The following GLIS3 variants were observed in gnomAD, a reference collection of about 807,000 sequenced individuals.
GLIS3 encodes GLIS family zinc finger 3.
GLIS3 carries 53 observed loss-of-function variants against 78.6 expected under a neutral mutation model. The observed-to-expected ratio is 0.67, with a 90% CI of 0.54 to 0.85. The LOEUF (loss-of-function observed/expected upper bound fraction) is 0.85. Among genes scored for constraint, GLIS3 ranks in the 40% least tolerant of loss-of-function variants. The probability of loss-of-function intolerance (pLI) is 0.00; values close to 1 mark genes in which losing one functional copy is unlikely to be tolerated. For missense variants in GLIS3, 1,703 were observed against 1,231.1 expected (o/e 1.38, Z -5.74); for synonymous variants, 684 against 509.9 (o/e 1.34, Z -4.60).
chr9:3,943,968 G>C (rs548876684), intron 4 of GLIS3, among the ~76,000 whole-genome samples: 4 of 152,252 alleles, frequency 2.6e-5, no homozygotes, highest in South Asian at 4.2e-4. Context: ...CTATTAACTA[G>C]CTCATAAATA....
In GLIS3 at chr9:3,824,420, T is replaced by C; in HGVS notation, c.*3852A>G. On this transcript the variant is annotated 3_prime_UTR_variant, in exon 11 of 11. Transcript: ENST00000381971. ...AAACAAACAAACAAACAATGATGGT[T>C]GCCATTGTGTTTTAAACCGACAGGC... The C allele has an allele frequency of 6.6e-6, 1 of 152,534 alleles. No homozygotes were observed. The highest frequency in any genetic ancestry group is 1.9e-4 in the East Asian group (1 of 5,206). 9.4% of individuals were successfully genotyped at this position (152,534 alleles called of 1,614,324 possible).
chr9:4,373,403 G>A, the GLIS3 span, among the ~76,000 whole-genome samples: 1 of 152,192 alleles, frequency 6.6e-6, no homozygotes, highest in Non-Finnish European at 1.5e-5. Context: ...AGTAGGGGAT[G>A]CGGATGGGAG....
intron 4 of GLIS3, among the ~76,000 whole-genome samples, chr9:4,007,178 C>A (rs1821616617): frequency 6.6e-6 from 1 of 152,194 alleles, no homozygotes; most frequent in African/African-American, 2.4e-5. Flanking sequence ...GTGCTTGGTT[C>A]AGCCGTGCTT....
intron 3 of GLIS3, among the ~76,000 whole-genome samples, chr9:4,309,788 T>C (rs1474829649): frequency 6.6e-6 from 1 of 152,160 alleles, no homozygotes; most frequent in Non-Finnish European, 1.5e-5. Flanking sequence ...AGATCATCAT[T>C]GCAACAAGCA....
At chr9:4,340,062 T>C (rs1217999690) in intron 2 of GLIS3, among the ~76,000 whole-genome samples, 1 of 151,672 alleles carries the variant, frequency 6.6e-6, no homozygotes, top group East Asian at 1.9e-4. Context: ...TGCTCATCAG[T>C]GAATTCACCA....
At chr9:4,003,856 G>A (rs1383924318) in intron 4 of GLIS3, among the ~76,000 whole-genome samples, 1 of 152,140 alleles carries the variant, frequency 6.6e-6, no homozygotes, top group African/African-American at 2.4e-5. Flanking sequence ...CTTGTATCAT[G>A]GATTACCCTA....
At chr9:4,250,473 A>AT (rs1237840798) in intron 2 of GLIS3, among the ~76,000 whole-genome samples, 5 of 151,904 alleles carry the variant, frequency 3.3e-5, no homozygotes, top group Non-Finnish European at 2.9e-5. Flanking sequence ...CCCCTTTATC[A>AT]TTTTTTTATT....
chr9:4,286,076 T>C lies in GLIS3; in HGVS notation c.350A>G (p.Gln117Arg), dbSNP rs1028696225. 1 of 1,613,794 alleles carries C rather than the reference T, an allele frequency of 6.2e-7. No individual in the cohort carries two copies. Among genetic ancestry groups the C allele is most frequent in the African/African-American group, 1.3e-5 (1 of 74,990 alleles). Residue 117 changes from glutamine to arginine, a missense_variant, in exon 2 of 11, where the codon CAG (glutamine) becomes CGG (arginine). By Grantham distance (43) the Gln-to-Arg change is conservative (BLOSUM62 1). Coordinates refer to ENST00000381971, the MANE Select transcript of GLIS3 (RefSeq NM_001042413.2). ...SGSHTLKPKQ[Q>R]EFGSPFPPNP... is the part of the protein sequence containing the mutation. ...TGGAGGAAAAGGGCTTCCAAACTCC[T>C]GCTGCTTTGGCTTTAAAGTATGTGA...
chr9:4,459,344 G>A, the GLIS3 span, among the ~76,000 whole-genome samples: 1 of 152,226 alleles, frequency 6.6e-6, no homozygotes, highest in African/African-American at 2.4e-5. Context: ...TAAAGACTCA[G>A]CCCTGGGGCT....
intron 2 of GLIS3, among the ~76,000 whole-genome samples, chr9:4,266,888 C>A (rs963928881): frequency 2.0e-5 from 3 of 152,150 alleles, no homozygotes; most frequent in African/African-American, 7.2e-5. Flanking sequence ...ACTCTCAGAA[C>A]CTAATTTGAA....
chr9:4,296,169 T>C lies in GLIS3; in HGVS notation c.-99+3252A>G, dbSNP rs184857465. Among the ~76,000 whole-genome samples the C allele has an allele frequency of 6.1e-3, 927 of 151,840 alleles. 14 individuals carry two copies. Among genetic ancestry groups the C allele is most frequent in the African/African-American group, 0.021 (878 of 41,364 alleles). On this transcript the variant is annotated intron_variant, in intron 1 of 10. Transcript: ENST00000381971. ...CCTTCAAGAAGTATGTATTCTATAA[T>C]CTGGGAGAAGAGTAAATTAACACTC...
At chr9:4,190,107 A>C (rs1818199237) in intron 2 of GLIS3, among the ~76,000 whole-genome samples, 1 of 152,108 alleles carries the variant, frequency 6.6e-6, no homozygotes, top group African/African-American at 2.4e-5. Flanking sequence ...AAAACTGGAA[A>C]CTCTAAAAAG....
chr9:4,376,329 G>A, the GLIS3 span, among the ~76,000 whole-genome samples: 1 of 152,182 alleles, frequency 6.6e-6, no homozygotes, highest in Non-Finnish European at 1.5e-5. Context: ...TATCCAAGGA[G>A]AGATTTCAGA....
chr9:3,847,120 G>T (rs1411411316), intron 9 of GLIS3, among the ~76,000 whole-genome samples: 1 of 152,156 alleles, frequency 6.6e-6, no homozygotes, highest in African/African-American at 2.4e-5. Context: ...GGAGGCAGAG[G>T]TTGCAGTGAG....
chr9:4,316,881 T>G (rs1372824451), intron 2 of GLIS3, among the ~76,000 whole-genome samples: 1 of 152,178 alleles, frequency 6.6e-6, no homozygotes, highest in Non-Finnish European at 1.5e-5. Context: ...TTAGAAGAAG[T>G]TTTTGTGACC....
At chr9:3,992,509 C>A (rs1437674945) in intron 4 of GLIS3, among the ~76,000 whole-genome samples, 1 of 152,078 alleles carries the variant, frequency 6.6e-6, no homozygotes, top group Non-Finnish European at 1.5e-5. Context: ...AAATCCTCAG[C>A]GTAAAGGAGG....
At chr9:4,389,844 C>T in the GLIS3 span, among the ~76,000 whole-genome samples, 7 of 152,232 alleles carry the variant, frequency 4.6e-5, no homozygotes. Flanking sequence ...ATTTCAGGCA[C>T]TCTTCTATTG....
At chr9:4,232,874 T>C (rs879460802) in intron 2 of GLIS3, among the ~76,000 whole-genome samples, 3 of 152,216 alleles carry the variant, frequency 2.0e-5, no homozygotes, top group Non-Finnish European at 2.9e-5. Context: ...CCAGGGAACT[T>C]TGACCATCCC....
At chr9:4,454,023 A>G in the GLIS3 span, among the ~76,000 whole-genome samples, 4 of 152,088 alleles carry the variant, frequency 2.6e-5, no homozygotes, top group Non-Finnish European at 4.4e-5. Context: ...AAATTTTAAA[A>G]AAAGAAAAGA....
Sources: allele counts gnomAD v4.1 joint callset (sites outside exome capture counted in the v4.1 genomes callset), GRCh38; gene constraint gnomAD v4.1.1; transcripts MANE v1.5; gene names NCBI Gene and HGNC (gene_info 2026-07-23, HGNC 2026-07-21).